FRYL: variants seen among roughly 807,000 people sequenced by gnomAD.
FRYL encodes protein furry homolog-like.
FRYL carries 150 observed loss-of-function variants against 351.2 expected under a neutral mutation model. The observed-to-expected ratio is 0.43, with a 90% CI of 0.37 to 0.49. The LOEUF is 0.49. Among genes scored for constraint, FRYL ranks in the 20% least tolerant of loss-of-function variants. FRYL has a pLI of 0.00. For synonymous variants in FRYL, 1,153 were observed against 1,257.1 expected (o/e 0.92, Z 1.75); for missense variants, 3,036 against 3,619.3 (o/e 0.84, Z 4.13).
At chr4:48,542,158 C>G (rs765706369) in intron 44 of FRYL, 37 bp from the exon 45 acceptor site, 2 of 1,444,684 alleles carry the variant, frequency 1.4e-6, no homozygotes, top group African/African-American at 2.8e-5. Flanking sequence ...TAATTATGCT[C>G]TGGAATAAAG....
At chr4:48,513,166 T>A (rs1325668744) in intron 56 of FRYL, among the ~76,000 whole-genome samples, 2 of 152,202 alleles carry the variant, frequency 1.3e-5, no homozygotes, top group African/African-American at 2.4e-5. Flanking sequence ...TAGGTTCTAT[T>A]ATTATCTTGA....
At chr4:48,698,150 C>G (rs1006921273) in intron 2 of FRYL, among the ~76,000 whole-genome samples, 7 of 152,178 alleles carry the variant, frequency 4.6e-5, no homozygotes, top group African/African-American at 1.4e-4. Context: ...TAAATATGTT[C>G]AAGCTGCAAC....
At chr4:48,720,801 T>C (rs1769380895) in intron 1 of FRYL, among the ~76,000 whole-genome samples, 1 of 152,228 alleles carries the variant, frequency 6.6e-6, no homozygotes, top group Non-Finnish European at 1.5e-5. Flanking sequence ...GATTCATCTA[T>C]GTTGTTATTT....
intron 1 of FRYL, among the ~76,000 whole-genome samples, chr4:48,727,267 G>A (rs1262932160): frequency 6.6e-6 from 1 of 152,116 alleles, no homozygotes; most frequent in African/African-American, 2.4e-5. Flanking sequence ...AAAGAAGCTT[G>A]GAAGTCATCA....
chr4:48,519,826 C>T (rs560094806), intron 55 of FRYL, among the ~76,000 whole-genome samples: 14 of 152,098 alleles, frequency 9.2e-5, no homozygotes, highest in East Asian at 7.7e-4. Flanking sequence ...CTCCGCCTCC[C>T]GGGTTCAAGT....
intron 60 of FRYL, among the ~76,000 whole-genome samples, chr4:48,504,272 C>T (rs561730901): frequency 3.9e-5 from 6 of 152,222 alleles, no homozygotes; most frequent in African/African-American, 1.4e-4. Flanking sequence ...CTTCCACCCT[C>T]AAAACAGTTG....
chr4:48,686,555 A>C (rs1438020564), intron 2 of FRYL, among the ~76,000 whole-genome samples: 1 of 152,210 alleles, frequency 6.6e-6, no homozygotes, highest in African/African-American at 2.4e-5. Flanking sequence ...TCTTGTGGGC[A>C]CGGTCCTGCA....
intron 1 of FRYL, among the ~76,000 whole-genome samples, chr4:48,721,541 A>G (rs762160089): frequency 8.5e-5 from 13 of 152,164 alleles, no homozygotes; most frequent in Non-Finnish European, 1.5e-4. Context: ...AAGTCATTAC[A>G]CTAGTGGAAG....
Position 48,512,654 on chromosome 4 carries a change from C to T in FRYL, c.7972G>A (p.Val2658Ile). 1 of 1,613,942 alleles carries T rather than the reference C, an allele frequency of 6.2e-7. No homozygotes were observed. The highest frequency in any genetic ancestry group is 8.5e-7 in the Non-Finnish European group (1 of 1,179,870). ...GGTGACGGCAGAGGCGACGTCTGTA[C>T]TTCTGGAAAACCATCTTGCTCTTCT... ...DEEEQDGFPE[V>I]QTSPLPSPFL... Residue 2658 changes from valine (V) to isoleucine (I), a missense_variant, in exon 57 of 64, where the codon GTA becomes ATA. Physicochemically the swap from Val to Ile is conservative, Grantham distance 29. This residue lies in a region of FRYL where 1,987 missense variants were observed against 2,311.7 expected (regional missense o/e 0.86). Transcript: ENST00000358350.
At chr4:48,571,288 A>G (rs1738263829) in intron 26 of FRYL, among the ~76,000 whole-genome samples, 1 of 152,226 alleles carries the variant, frequency 6.6e-6, no homozygotes, top group Non-Finnish European at 1.5e-5. Flanking sequence ...GTATAGGGAA[A>G]ACAATCCTAA....
intron 1 of FRYL, among the ~76,000 whole-genome samples, chr4:48,774,374 A>AT (rs1302606228): frequency 6.6e-6 from 1 of 152,122 alleles, no homozygotes; most frequent in East Asian, 1.9e-4. Context: ...CCTCTGTCAG[A>AT]TATTATTCCT....
At chr4:48,727,411 T>C (rs1025597904) in intron 1 of FRYL, 1 of 152,160 alleles carries the variant, frequency 6.6e-6, no homozygotes, top group African/African-American at 2.4e-5. Flanking sequence ...TACAGAAGGA[T>C]ACAGAGAATC....
At chr4:48,512,807 T>G in intron 56 of FRYL, 119 bp from the exon 57 acceptor site, 1 of 670,222 alleles carries the variant, frequency 1.5e-6, no homozygotes, top group Non-Finnish European at 2.6e-6. Context: ...ACACACTGAT[T>G]TAGAAAATGT....
chr4:48,754,280 T>A (rs1773543908), intron 1 of FRYL, among the ~76,000 whole-genome samples: 1 of 151,780 alleles, frequency 6.6e-6, no homozygotes, highest in Non-Finnish European at 1.5e-5. Context: ...AATATGTGAT[T>A]TTTTTTTAAA....
chr4:48,627,862 C>T (rs1302856983), intron 4 of FRYL, among the ~76,000 whole-genome samples: 3 of 152,122 alleles, frequency 2.0e-5, no homozygotes, highest in Non-Finnish European at 4.4e-5. Context: ...ACCTCTGCTT[C>T]CTGGGTTTAA....
At chr4:48,592,163 C>T (rs149967391) in intron 16 of FRYL, among the ~76,000 whole-genome samples, 19 of 145,318 alleles carry the variant, frequency 1.3e-4, no homozygotes, top group East Asian at 8.1e-4. Context: ...TCTTTATATA[C>T]GACATAGTAC....
chr4:48,623,643 C>T (rs963848213), intron 4 of FRYL, among the ~76,000 whole-genome samples: 1 of 152,074 alleles, frequency 6.6e-6, no homozygotes, highest in African/African-American at 2.4e-5. Flanking sequence ...AAGTGAATGA[C>T]CATAGGCTGA....
rs1430818534 is a variant in FRYL at position 48,710,668 on chromosome 4, G to C, written c.-353C>G. 2.5e-6 allele frequency: 1 copy of C among 398,256 alleles called. No individual in the cohort carries two copies. The highest frequency in any genetic ancestry group is 1.3e-4 in the South Asian group (1 of 7,818). 24.7% of individuals were successfully genotyped at this position (398,256 alleles called of 1,614,324 possible). Reference sequence around the variant, plus strand: ...ACAAAGCAGTAGTGAGTGAGTCACCGTGTGTGAAGCAGAATATGGAATGTT... The same window carrying C: ...ACAAAGCAGTAGTGAGTGAGTCACCCTGTGTGAAGCAGAATATGGAATGTT... On this transcript the variant is annotated 5_prime_UTR_variant, in exon 2 of 64. Coordinates refer to ENST00000358350, the MANE Select transcript of FRYL (RefSeq NM_015030.2).
At position 48,547,598 on chromosome 4, in the gene FRYL, T is replaced by C. The variant is rs367969211; in HGVS notation, c.5060A>G (p.Asp1687Gly). The part of the protein sequence containing the change: ...VLTVKQVAHL[D>G]YNFTAGINDF... ...AAAGCAAATACCTGTGAAATTATAATCTAAGTGTGCAACTTGTTTGACTGT... is the reference window on the plus strand; with the variant it reads ...AAAGCAAATACCTGTGAAATTATAACCTAAGTGTGCAACTTGTTTGACTGT... The change falls in exon 41 of 64, where the codon GAT (aspartate) becomes GGT (glycine). Residue 1687 changes from aspartate to glycine, a missense_variant. Around this residue, in one of 7 missense-constraint regions of FRYL, gnomAD observed 1,987 missense variants for 2,311.7 expected, o/e 0.86. Transcript: ENST00000358350. 8 of 1,559,064 alleles carry C rather than the reference T, an allele frequency of 5.1e-6. No individual in the cohort carries two copies. The highest frequency in any genetic ancestry group is 7.0e-6 in the Non-Finnish European group (8 of 1,144,452).
Sources: allele counts gnomAD v4.1 joint callset (sites outside exome capture counted in the v4.1 genomes callset), GRCh38; gene constraint gnomAD v4.1.1; regional missense constraint gnomAD v4.1.1; transcripts MANE v1.5; gene names NCBI Gene and HGNC (gene_info 2026-07-23, HGNC 2026-07-21).